WNT11: variants seen among roughly 807,000 people sequenced by gnomAD.
WNT11 encodes protein Wnt-11.
WNT11 carries 20 observed loss-of-function variants against 35.6 expected under a neutral mutation model. The ratio of observed to expected loss-of-function variants is 0.56; its 90% CI spans 0.40 to 0.82. WNT11 has a LOEUF of 0.82. WNT11 is among the 40% of genes least tolerant of loss of function. The pLI is 0.00. For missense variants in WNT11, 459 were observed against 504.4 expected (o/e 0.91, Z 0.86); for synonymous variants, 200 against 211.9 (o/e 0.94, Z 0.49).
intron 4 of WNT11, 68 bp from the exon 5 acceptor site, chr11:76,187,307 C>T (rs1028398894): frequency 2.7e-6 from 4 of 1,459,222 alleles, no homozygotes; most frequent in East Asian, 5.0e-5. Context: ...CCCATGACTC[C>T]CAGCCAGGCA....
Position 76,186,939 on chromosome 11 carries a change from G to A in WNT11, c.*126C>T, listed in dbSNP as rs567000999. 2.9e-4 allele frequency: 416 copies of A among 1,446,862 alleles called. 2 individuals are homozygous for A. In the East Asian group the frequency reaches 4.3e-3, roughly 15 times the overall value. 89.6% of individuals were successfully genotyped at this position (1,446,862 alleles called of 1,614,324 possible). A position where few individuals can be genotyped will look rare whatever the true frequency, so the allele number is the denominator to read the frequency against. ...TCCAAGTGAAGGCAAAGCACAAGCC[G>A]CCTCCCATGCCTGGCATCTGGAATT... On this transcript the variant is annotated 3_prime_UTR_variant, in exon 5 of 5. Transcript: ENST00000322563.
At chr11:76,205,433 A>G (rs608747) in intron 1 of WNT11, among the ~76,000 whole-genome samples, 94,301 of 152,086 alleles carry the variant, frequency 0.62, 29,635 homozygotes, top group East Asian at 0.81. Flanking sequence ...GCCAACTCCC[A>G]GCAGCGCTTC....
At chr11:76,200,259 G>A (rs925563191) in intron 1 of WNT11, among the ~76,000 whole-genome samples, 1 of 152,170 alleles carries the variant, frequency 6.6e-6, no homozygotes, top group African/African-American at 2.4e-5. Context: ...GCCAGCATCC[G>A]GCACAGGGTG....
chr11:76,187,208 T>C lies in WNT11; in HGVS notation c.922A>G (p.Ser308Gly), dbSNP rs2134559780. ...QCNKTSNGSD[S>G]CDLMCCGRGY... ...CGCCCGCAGCACATAAGGTCGCAGC[T>C]GTCGCTTCCGTTGGATGTCTTGTTG... Residue 308 changes from serine to glycine, a missense_variant, in exon 5 of 5, where the codon AGC becomes GGC. Physicochemically the swap from Ser to Gly is moderately conservative, Grantham distance 56. Coordinates refer to ENST00000322563, the MANE Select transcript of WNT11 (RefSeq NM_004626.3). 6.2e-7 allele frequency: 1 copy of C among 1,606,516 alleles called. No individual in the cohort carries two copies. Among genetic ancestry groups the C allele is most frequent in the Non-Finnish European group, 8.5e-7 (1 of 1,179,948 alleles).
chr11:76,187,796 C>T (rs1182098991), intron 4 of WNT11, among the ~76,000 whole-genome samples: 2 of 152,142 alleles, frequency 1.3e-5, no homozygotes, highest in African/African-American at 2.4e-5. Context: ...GTTTTGTTGT[C>T]TTGGAGATAG....
intron 1 of WNT11, among the ~76,000 whole-genome samples, 178 bp downstream of exon 1, chr11:76,206,147 G>C (rs55836137): frequency 6.6e-6 from 1 of 152,194 alleles, no homozygotes; most frequent in Non-Finnish European, 1.5e-5. Flanking sequence ...GCAAGCCTGC[G>C]GGAGGCAGGG....
At chr11:76,200,569 C>T (rs1374247602) in intron 1 of WNT11, among the ~76,000 whole-genome samples, 3 of 152,292 alleles carry the variant, frequency 2.0e-5, no homozygotes, top group African/African-American at 7.2e-5. Context: ...GAGGGCAGCC[C>T]GGAGGGGATG....
At chr11:76,206,254 AG>A in intron 1 of WNT11, 70 bp downstream of exon 1, 1 of 1,325,438 alleles carries the variant, frequency 7.5e-7, no homozygotes, top group Non-Finnish European at 9.8e-7. Flanking sequence ...CGCCCCATCC[AG>A]GGGACCCCAA....
intron 1 of WNT11, among the ~76,000 whole-genome samples, chr11:76,203,389 A>T (rs1314324925): frequency 6.6e-6 from 1 of 152,066 alleles, no homozygotes; most frequent in Non-Finnish European, 1.5e-5. Flanking sequence ...GGGACTGCCC[A>T]GGGAAGGGGG....
chr11:76,209,016 G>T (rs1244858082), upstream of WNT11, among the ~76,000 whole-genome samples: 3 of 152,178 alleles, frequency 2.0e-5, no homozygotes, highest in South Asian at 2.1e-4. Context: ...CTCCTGCGTC[G>T]CGGGCTGGGG....
At chr11:76,188,138 C>A (rs568091989) in intron 4 of WNT11, among the ~76,000 whole-genome samples, 1 of 152,238 alleles carries the variant, frequency 6.6e-6, no homozygotes, top group Non-Finnish European at 1.5e-5. Context: ...GCATCAGACA[C>A]GCTGCTCGTG....
chr11:76,192,112 C>T (rs1276712139), intron 3 of WNT11, among the ~76,000 whole-genome samples: 1 of 152,136 alleles, frequency 6.6e-6, no homozygotes, highest in Non-Finnish European at 1.5e-5. Context: ...TGCTGTATAC[C>T]AAGCGCTCTA....
rs201578613 is a variant in WNT11, at chr11:76,191,571, G to C, written c.883C>G (p.Gln295Glu). 1 of 1,610,504 alleles carries C rather than the reference G, an allele frequency of 6.2e-7. No individual in the cohort carries two copies. The highest frequency in any genetic ancestry group is 2.2e-5 in the East Asian group (1 of 44,762). ...KNEKVGSHGT[Q>E]DRQCNKTSNG... ...GGTGGCAGCAGGCCTCACCTGTCTT[G>C]TGTCCCGTGGGAGCCCACCTTCTCA... is the stretch of plus-strand genomic sequence containing the variant. Residue 295 changes from glutamine (Q) to glutamate (E), a missense_variant, in exon 4 of 5, where the codon CAA becomes GAA. Physicochemically the swap from Gln to Glu is conservative, Grantham distance 29. Transcript: ENST00000322563.
rs1008696120 is a variant in WNT11 at position 76,194,950 on chromosome 11, G to A, written c.320-106C>T. 34 of 1,342,412 alleles carry A rather than the reference G, an allele frequency of 2.5e-5. No individual in the cohort carries two copies. Among genetic ancestry groups the A allele is most frequent in the South Asian group, 1.4e-4 (9 of 65,234 alleles). The allele number at this position is 1,342,412 out of a possible 1,614,324, so 83.2% of individuals were successfully genotyped here. A position where few individuals can be genotyped will look rare whatever the true frequency, so the allele number is the denominator to read the frequency against. On this transcript the variant is annotated intron_variant, in intron 2 of 4. Transcript: ENST00000322563. This position sits in a 1 kb window ranked among gnomAD's most constrained non-coding sequence, Gnocchi z 5.4. ...CACACCCTGCTGTAACCAAGGTGACGCCAGCAGGGGTCGGCACTAGGGCCA... is the reference window on the plus strand; with the variant it reads ...CACACCCTGCTGTAACCAAGGTGACACCAGCAGGGGTCGGCACTAGGGCCA...
chr11:76,197,127 A>G (rs914864607), intron 1 of WNT11, among the ~76,000 whole-genome samples: 1 of 152,272 alleles, frequency 6.6e-6, no homozygotes, highest in Non-Finnish European at 1.5e-5. Flanking sequence ...CGTGCCAGAA[A>G]CCATGAGAAA....
At chr11:76,200,528 C>T (rs1204568286) in intron 1 of WNT11, among the ~76,000 whole-genome samples, 2 of 152,212 alleles carry the variant, frequency 1.3e-5, no homozygotes, top group Non-Finnish European at 2.9e-5. Context: ...TGGCCCTTCC[C>T]GGTTGACAGA....
rs994255420 is a variant in WNT11 at position 76,189,009 on chromosome 11, G to A, written c.891-1770C>T. 1.9e-4 allele frequency among the ~76,000 whole-genome samples: 29 copies of A among 152,190 alleles called. 4 individuals carry two copies. The highest frequency in any genetic ancestry group is 1.2e-3 in the Admixed American group (19 of 15,292). ...GGGGAGCGCCTGGGGAGAGTCAGCC[G>A]GTGACCAGCAAGTGGGGGCTGCCAG... On this transcript the variant is annotated intron_variant, in intron 4 of 4. Transcript: ENST00000322563.
chr11:76,202,391 T>C (rs938167803), intron 1 of WNT11, among the ~76,000 whole-genome samples: 1 of 152,118 alleles, frequency 6.6e-6, no homozygotes, highest in African/African-American at 2.4e-5. Context: ...GGAGAACAAT[T>C]GAGTCGAGGA....
At position 76,206,473 on chromosome 11, in the gene WNT11, C is replaced by A; in HGVS notation, c.-66G>T. 2 of 1,322,044 alleles carry A rather than the reference C, an allele frequency of 1.5e-6. No homozygotes were observed. Among genetic ancestry groups the A allele is most frequent in the Non-Finnish European group, 1.9e-6 (2 of 1,037,558 alleles). 81.9% of individuals were successfully genotyped at this position (1,322,044 alleles called of 1,614,324 possible). The stretch of plus-strand genomic sequence containing the variant: ...GCCGCGCCGAAGTCCTCCGCCTGCA[C>A]GGCCGCCGCTGGTCCTGCACGCCGC... On this transcript the variant is annotated 5_prime_UTR_variant, in exon 1 of 5. Coordinates refer to ENST00000322563, the MANE Select transcript of WNT11 (RefSeq NM_004626.3).
Sources: allele counts gnomAD v4.1 joint callset (sites outside exome capture counted in the v4.1 genomes callset), GRCh38; gene constraint gnomAD v4.1.1; non-coding constraint Gnocchi (gnomAD v3.1); transcripts MANE v1.5; gene names NCBI Gene and HGNC (gene_info 2026-07-23, HGNC 2026-07-21).